Variants in FGD6 observed in about 807,000 individuals in gnomAD.
FGD6 encodes the protein FYVE, RhoGEF and PH domain-containing protein 6.
A neutral mutation model predicts 149.4 loss-of-function variants in FGD6; 90 were observed. The ratio of observed to expected loss-of-function variants is 0.60; its 90% CI spans 0.51 to 0.72. FGD6 has a LOEUF of 0.72. Among genes scored for constraint, FGD6 ranks in the 30% least tolerant of loss-of-function variants. FGD6 has a pLI of 0.00. For synonymous variants in FGD6, 527 were observed against 584.0 expected, an observed-to-expected ratio of 0.90 and a Z score of 1.41; for missense variants, 1,437 against 1,684.8, an observed-to-expected ratio of 0.85 and a Z score of 2.57.
Position 95,081,349 on chromosome 12 carries a change from A to G in FGD6, c.*171T>C. 1 of 451,636 alleles carries G rather than the reference A, an allele frequency of 2.2e-6. No individual in the cohort carries two copies. The allele number at this position is 451,636 out of a possible 1,614,324, so 28.0% of individuals were successfully genotyped here. A position where few individuals can be genotyped will look rare whatever the true frequency, so the allele number is the denominator to read the frequency against. On this transcript the variant is annotated 3_prime_UTR_variant, in exon 21 of 21. Transcript: ENST00000343958. ...TTTAATAAATAACATAAATGAAAAA[A>G]CAAACACCTTTTAAAAATTGCTTAT...
In FGD6 at chr12:95,106,988, T is replaced by G; in HGVS notation, c.3383A>C (p.Lys1128Thr). 6.2e-7 allele frequency: 1 copy of G among 1,613,862 alleles called. No individual in the cohort carries two copies. The highest frequency in any genetic ancestry group is 8.5e-7 in the Non-Finnish European group (1 of 1,179,882). The change falls in exon 13 of 21, where the codon AAA becomes ACA. Residue 1128 changes from lysine to threonine, a missense_variant. Around this residue, in one of 2 missense-constraint regions of FGD6, gnomAD observed 382 missense variants for 538.7 expected, o/e 0.71. Transcript: ENST00000343958. ...YTTPVQSGMY[K>T]LNNMLSLAGM... Reference sequence around the variant, plus strand: ...AGCCAGTGAGAGCATGTTGTTCAGTTTATACATCCCAGACTGCACTGGTGT... The same window carrying G: ...AGCCAGTGAGAGCATGTTGTTCAGTGTATACATCCCAGACTGCACTGGTGT...
chr12:95,172,798 C>A, intron 2 of FGD6, 54 bp from the exon 3 acceptor site: 1 of 1,423,320 alleles, frequency 7.0e-7, no homozygotes, highest in Non-Finnish European at 9.4e-7. Context: ...GAAGTGCTAG[C>A]AAAACAAAAA....
chr12:95,180,074 GC>G (rs1196256889), intron 2 of FGD6, among the ~76,000 whole-genome samples: 1 of 92,690 alleles, frequency 1.1e-5, no homozygotes, highest in East Asian at 2.7e-4. Flanking sequence ...GCGAAACTCT[GC>G]CTCCAAAAAA....
intron 3 of FGD6, among the ~76,000 whole-genome samples, chr12:95,153,912 C>CGTTTGTGTGTGT (rs1555220506): frequency 7.1e-6 from 1 of 141,318 alleles, no homozygotes; most frequent in African/African-American, 2.7e-5. Flanking sequence ...AAATGAAATT[C>CGTTTGTGTGTGT]GTGTGTGTGT....
At position 95,106,893 on chromosome 12, in the gene FGD6, CAAACA is replaced by C. The variant is rs562642434; in HGVS notation, c.3417+56_3417+60del. The C allele has an allele frequency of 1.3e-4, 129 of 1,024,562 alleles. 1 individual carries two copies. The highest frequency in any genetic ancestry group is 1.6e-4 in the Non-Finnish European group (115 of 726,858). 63.5% of individuals were successfully genotyped at this position (1,024,562 alleles called of 1,614,324 possible). On this transcript the variant is annotated intron_variant, in intron 13 of 20. Coordinates refer to ENST00000343958, the MANE Select transcript of FGD6 (RefSeq NM_018351.4). ...TGGGTGACAGAATGAGACCCCGTCTCAAACAAAACAAAACAAAACAAAACAAAACA... is the reference window on the plus strand; with the variant it reads ...TGGGTGACAGAATGAGACCCCGTCTCAAACAAAACAAAACAAAACAAAACA...
At chr12:95,123,362 T>C (rs1327113959) in intron 8 of FGD6, among the ~76,000 whole-genome samples, 1 of 152,066 alleles carries the variant, frequency 6.6e-6, no homozygotes, top group Non-Finnish European at 1.5e-5. Flanking sequence ...TGATCTATCC[T>C]AGACTTTGAC....
intron 2 of FGD6, among the ~76,000 whole-genome samples, chr12:95,172,977 G>A (rs1414882381): frequency 6.6e-6 from 1 of 152,190 alleles, no homozygotes; most frequent in Admixed American, 6.5e-5. Flanking sequence ...TGGGAAGCAA[G>A]TTTCCCAGCT....
intron 1 of FGD6, among the ~76,000 whole-genome samples, chr12:95,211,482 T>C (rs918344672): frequency 4.6e-5 from 7 of 152,114 alleles, no homozygotes; most frequent in African/African-American, 1.7e-4. Flanking sequence ...TTTAAATAAA[T>C]CCAATACAGT....
chr12:95,101,027 T>G (rs1878411086), intron 14 of FGD6: 3 of 313,646 alleles, frequency 9.6e-6, no homozygotes, highest in Non-Finnish European at 1.9e-5. Context: ...CCACCTTGAT[T>G]GATAAGAAGA....
chr12:95,194,894 C>T (rs1881698781), intron 2 of FGD6, among the ~76,000 whole-genome samples: 1 of 152,186 alleles, frequency 6.6e-6, no homozygotes, highest in South Asian at 2.1e-4. Context: ...TGTGAATCTA[C>T]AGTTATATCG....
chr12:95,210,639 A>C lies in FGD6; in HGVS notation c.645T>G (p.Asn215Lys), dbSNP rs1159224919. ...CCGCAAATTCAATTCTGAATTGTCC[A>C]TTTGAATTACAGCCACCATTCATTT... The part of the protein sequence containing the change: ...SPEMNGGCNS[N>K]GQFRIEFADL... The change falls in exon 2 of 21, where the codon AAT (asparagine) becomes AAG (lysine). Residue 215 changes from asparagine (N) to lysine (K), a missense_variant. This residue lies in a region of FGD6 where 1,055 missense variants were observed against 1,146.0 expected (regional missense o/e 0.92). Coordinates refer to ENST00000343958, the MANE Select transcript of FGD6 (RefSeq NM_018351.4). The C allele has an allele frequency of 1.9e-6, 3 of 1,614,056 alleles. No individual in the cohort carries two copies. In the African/African-American group the frequency reaches 4.0e-5, roughly 22 times the overall value.
intron 3 of FGD6, among the ~76,000 whole-genome samples, chr12:95,164,476 C>T (rs12311950): frequency 0.018 from 2,744 of 152,158 alleles, 83 homozygotes; most frequent in African/African-American, 0.061. Context: ...ATCACCCAGG[C>T]TGGACTGCAG....
intron 2 of FGD6, among the ~76,000 whole-genome samples, chr12:95,201,955 TAC>T (rs71078621): frequency 0.013 from 1,915 of 146,478 alleles, 24 homozygotes; most frequent in East Asian, 0.05. Flanking sequence ...CAGGACAGAA[TAC>T]ACACACACAC....
intron 14 of FGD6, among the ~76,000 whole-genome samples, chr12:95,095,247 G>A (rs1451712635): frequency 6.6e-6 from 1 of 152,156 alleles, no homozygotes; most frequent in Non-Finnish European, 1.5e-5. Flanking sequence ...TGCAGTTTTT[G>A]TTAGGGCTTC....
chr12:95,111,120 TACA>T (rs1878809432), intron 9 of FGD6, among the ~76,000 whole-genome samples: 1 of 152,160 alleles, frequency 6.6e-6, no homozygotes, highest in Non-Finnish European at 1.5e-5. Context: ...TACCTGGTAT[TACA>T]GGCATGCACC....
chr12:95,161,597 C>T (rs1303650189), intron 3 of FGD6, among the ~76,000 whole-genome samples: 4 of 152,220 alleles, frequency 2.6e-5, no homozygotes, highest in Admixed American at 2.6e-4. Context: ...CAAATAAACT[C>T]TCTACTTACA....
In FGD6 at chr12:95,141,538, T is replaced by C. The variant is rs1047505877; in HGVS notation, c.2687A>G (p.Asp896Gly). 14 of 1,613,862 alleles carry C rather than the reference T, an allele frequency of 8.7e-6. No individual in the cohort carries two copies. Among genetic ancestry groups the C allele is most frequent in the African/African-American group, 1.3e-5 (1 of 74,844 alleles). The change falls in exon 6 of 21, where the codon GAT becomes GGT. Residue 896 changes from aspartate (D) to glycine (G), a missense_variant and splice_region_variant. Asp to Gly is a moderately conservative substitution (Grantham distance 94). Around this residue, in one of 2 missense-constraint regions of FGD6, gnomAD observed 1,055 missense variants for 1,146.0 expected, o/e 0.92. Transcript: ENST00000343958. ...AGCATGAGCTACTGCATCCCGGAAA[T>C]CCTATTACAGTCCAGAGCAGGAAAA... is the stretch of plus-strand genomic sequence containing the variant. ...FVDVLKLLHI[D>G]FRDAVAHASR...
At chr12:95,175,444 G>GT (rs1185585724) in intron 2 of FGD6, among the ~76,000 whole-genome samples, 1 of 152,056 alleles carries the variant, frequency 6.6e-6, no homozygotes, top group Non-Finnish European at 1.5e-5. Context: ...AGGGATGGAT[G>GT]TAAGAGGAAG....
intron 2 of FGD6, among the ~76,000 whole-genome samples, chr12:95,207,817 A>G (rs1037890156): frequency 2.0e-5 from 3 of 152,214 alleles, no homozygotes; most frequent in South Asian, 4.1e-4. Flanking sequence ...GGTGGTCAGA[A>G]TAGGAAGTAA....
Sources: gnomAD v4.1 joint callset for allele counts (sites outside exome capture counted in the v4.1 genomes callset) on GRCh38, gnomAD v4.1.1 for gene constraint, gnomAD v4.1.1 regional missense constraint, MANE v1.5 for transcripts, NCBI Gene and HGNC (gene_info 2026-07-23, HGNC 2026-07-21) for gene names.